The following ETS1 variants were observed in gnomAD, a reference collection of about 807,000 sequenced individuals.
ETS1 encodes ETS proto-oncogene 1, transcription factor, also known as protein C-ets-1.
In ETS1, 15 loss-of-function variants were observed where a neutral mutation model predicts 58.6. That is an observed-to-expected ratio of 0.26 (90% CI 0.17 to 0.39). ETS1 has a LOEUF of 0.39. Ranked by LOEUF, ETS1 falls within the 10% of genes least tolerant of loss-of-function variation. The pLI is 1.00. For missense variants in ETS1, 417 were observed against 610.5 expected (o/e 0.68, Z 3.34); for synonymous variants, 214 against 218.2 (o/e 0.98, Z 0.17).
At chr11:128,514,078 A>G (rs780716882) in intron 3 of ETS1, among the ~76,000 whole-genome samples, 1 of 151,522 alleles carries the variant, frequency 6.6e-6, no homozygotes. Flanking sequence ...CCGTATCTAC[A>G]AACACTCACC....
At chr11:128,518,255 T>C (rs1389166621) in intron 3 of ETS1, among the ~76,000 whole-genome samples, 2 of 152,222 alleles carry the variant, frequency 1.3e-5, no homozygotes, top group African/African-American at 4.8e-5. Context: ...GAAAAGGTCC[T>C]CCTTAACTTT....
At chr11:128,516,738 G>A (rs1425009930) in intron 3 of ETS1, among the ~76,000 whole-genome samples, 2 of 152,084 alleles carry the variant, frequency 1.3e-5, no homozygotes, top group Non-Finnish European at 2.9e-5. Flanking sequence ...TAAATTTTAG[G>A]GGAAAAAACG....
chr11:128,487,233 G>T (rs1862657111), intron 5 of ETS1, among the ~76,000 whole-genome samples: 2 of 152,200 alleles, frequency 1.3e-5, no homozygotes. Flanking sequence ...TGAAGAGGGA[G>T]AATTCTTTCT....
At chr11:128,556,745 G>A (rs1565408692) in intron 2 of ETS1, among the ~76,000 whole-genome samples, 1 of 152,018 alleles carries the variant, frequency 6.6e-6, no homozygotes, top group Non-Finnish European at 1.5e-5. Context: ...TGACCATCTT[G>A]AATTTATACA....
chr11:128,491,225 A>G (rs1862790531), intron 3 of ETS1, among the ~76,000 whole-genome samples: 1 of 152,242 alleles, frequency 6.6e-6, no homozygotes, highest in African/African-American at 2.4e-5. Context: ...TCATTCATTC[A>G]ACAAATGATT....
At chr11:128,567,902 G>T (rs1864538279) in intron 2 of ETS1, among the ~76,000 whole-genome samples, 1 of 152,138 alleles carries the variant, frequency 6.6e-6, no homozygotes, top group Non-Finnish European at 1.5e-5. Flanking sequence ...CTAAAGTGCT[G>T]GGATTACAGG....
At chr11:128,506,680 G>A (rs1379040626) in intron 3 of ETS1, among the ~76,000 whole-genome samples, 1 of 152,132 alleles carries the variant, frequency 6.6e-6, no homozygotes, top group Non-Finnish European at 1.5e-5. Flanking sequence ...ATCTCCCACA[G>A]CCACCTCCGC....
intron 3 of ETS1, among the ~76,000 whole-genome samples, chr11:128,517,786 G>T (rs1053490518): frequency 3.2e-4 from 48 of 152,262 alleles, no homozygotes; most frequent in African/African-American, 1.2e-3. Flanking sequence ...CTGGGCTCCG[G>T]GAGGTTGACC....
chr11:128,516,530 G>A (rs374666048), intron 3 of ETS1, among the ~76,000 whole-genome samples: 300 of 152,184 alleles, frequency 2.0e-3, no homozygotes, highest in Non-Finnish European at 2.6e-3. Flanking sequence ...CTAACTCTTC[G>A]GGAAAATGCT....
intron 8 of ETS1, among the ~76,000 whole-genome samples, chr11:128,467,447 C>T (rs1473055485): frequency 1.3e-5 from 2 of 152,100 alleles, no homozygotes; most frequent in Non-Finnish European, 1.5e-5. Flanking sequence ...GTGTGCTTAG[C>T]GGAGGTCTGC....
At chr11:128,579,360 A>T (rs1400956060) in intron 1 of ETS1, among the ~76,000 whole-genome samples, 1 of 152,100 alleles carries the variant, frequency 6.6e-6, no homozygotes, top group Non-Finnish European at 1.5e-5. Flanking sequence ...AATACAGGAG[A>T]CAAAGAATTT....
Position 128,458,969 on chromosome 11 carries a change from C to A in ETS1, c.*3392G>T, listed in dbSNP as rs371474467. 6.6e-6 allele frequency: 1 copy of A among 152,378 alleles called. No individual in the cohort carries two copies. Among genetic ancestry groups the A allele is most frequent in the East Asian group, 1.9e-4 (1 of 5,328 alleles). The allele number at this position is 152,378 out of a possible 1,614,324, so 9.4% of individuals were successfully genotyped here. Reference sequence around the variant, plus strand: ...CTTACATCGCTACATCTCTAAGCTACCTCAGTTCTGATTTTTAAAAAGCAC... The same window carrying A: ...CTTACATCGCTACATCTCTAAGCTAACTCAGTTCTGATTTTTAAAAAGCAC... On this transcript the variant is annotated 3_prime_UTR_variant, in exon 10 of 10. Transcript: ENST00000392668. This position sits in a 1 kb window ranked among gnomAD's most constrained non-coding sequence, Gnocchi z 4.3.
chr11:128,544,367 A>ATATATATATATATG (rs1491442597), intron 3 of ETS1, among the ~76,000 whole-genome samples: 5 of 143,608 alleles, frequency 3.5e-5, no homozygotes, highest in African/African-American at 1.0e-4. Flanking sequence ...ATATATATAT[A>ATATATATATATATG]TGGAATTTCC....
chr11:128,492,682 T>C (rs1481968974), intron 3 of ETS1, among the ~76,000 whole-genome samples: 1 of 152,170 alleles, frequency 6.6e-6, no homozygotes, highest in Non-Finnish European at 1.5e-5. Flanking sequence ...GGAGTAATCA[T>C]CAAATGAGTC....
At chr11:128,511,406 C>CT (rs985448536) in intron 3 of ETS1, among the ~76,000 whole-genome samples, 6 of 152,118 alleles carry the variant, frequency 3.9e-5, no homozygotes, top group Middle Eastern at 3.2e-3. Flanking sequence ...ATCATTCACA[C>CT]TTTTTTTTCC....
intron 7 of ETS1, 45 bp from the exon 8 acceptor site, chr11:128,480,496 AGTGGG>A (rs1440027652): frequency 7.4e-7 from 1 of 1,360,326 alleles, no homozygotes; most frequent in Admixed American, 1.9e-5. Flanking sequence ...GGGAGGAGGG[AGTGGG>A]AAAAAAAAAA....
At chr11:128,539,405 C>T (rs1054456306) in intron 3 of ETS1, among the ~76,000 whole-genome samples, 2 of 152,106 alleles carry the variant, frequency 1.3e-5, no homozygotes, top group Admixed American at 6.5e-5. Flanking sequence ...AGACATTTCT[C>T]CAAAGAAGGT....
At chr11:128,462,959 C>T (rs1289382367) in intron 9 of ETS1, among the ~76,000 whole-genome samples, 1 of 152,192 alleles carries the variant, frequency 6.6e-6, no homozygotes, top group Non-Finnish European at 1.5e-5. Flanking sequence ...AGCGGAGGAG[C>T]TGAGCTGCAA....
intron 7 of ETS1, among the ~76,000 whole-genome samples, chr11:128,482,756 C>T (rs1035481110): frequency 2.0e-5 from 3 of 152,012 alleles, no homozygotes; most frequent in Non-Finnish European, 4.4e-5. Context: ...TGTAGGGAAA[C>T]CTGTGTTCTC....
Sources: allele counts gnomAD v4.1 joint callset (sites outside exome capture counted in the v4.1 genomes callset), GRCh38; gene constraint gnomAD v4.1.1; non-coding constraint Gnocchi (gnomAD v3.1); transcripts MANE v1.5; gene names NCBI Gene and HGNC (gene_info 2026-07-23, HGNC 2026-07-21).